Variants in GSTA2 observed in about 807,000 individuals in gnomAD.
GSTA2 encodes glutathione S-transferase A2.
A neutral mutation model predicts 22.4 loss-of-function variants in GSTA2; 27 were observed. That is an observed-to-expected ratio of 1.21 (90% CI 0.89 to 1.67). The LOEUF is 1.67. GSTA2 is among the 40% of genes most tolerant of loss of function. The probability of loss-of-function intolerance (pLI) is 0.00; values close to 1 mark genes in which losing one functional copy is unlikely to be tolerated. For missense variants in GSTA2, 302 were observed against 260.2 expected (o/e 1.16, Z -1.11); for synonymous variants, 121 against 86.8 (o/e 1.39, Z -2.19).
chr6:52,751,169 A>G (rs182813994), intron 6 of GSTA2, among the ~76,000 whole-genome samples: 34 of 152,290 alleles, frequency 2.2e-4, no homozygotes, highest in Admixed American at 1.6e-3. Context: ...AGAGAGGAAC[A>G]AAATGTCTGA....
Position 52,751,761 on chromosome 6 carries a change from C to G in GSTA2, c.415-53G>C, listed in dbSNP as rs557654142. On this transcript the variant is annotated intron_variant, in intron 5 of 6. Transcript: ENST00000493422. ...AACACATGCCCACCCAGGCTGGGAC[C>G]CCTGCTTCTTTCAGAGCCTCTCCAC... 4.5e-5 allele frequency: 73 copies of G among 1,613,322 alleles called. No individual in the cohort carries two copies. In the African/African-American group the frequency reaches 9.3e-4, roughly 21 times the overall value.
intron 2 of GSTA2, 52 bp downstream of exon 2, chr6:52,757,809 T>A (rs376227234): frequency 6.9e-7 from 1 of 1,440,690 alleles, no homozygotes. Context: ...GGGAAAAGTA[T>A]GTGATAACGC....
intron 1 of GSTA2, among the ~76,000 whole-genome samples, chr6:52,760,419 A>T (rs1762932059): frequency 6.6e-6 from 1 of 152,182 alleles, no homozygotes; most frequent in Non-Finnish European, 1.5e-5. Flanking sequence ...AGAACCAGAG[A>T]GCTCAAGGAT....
rs1187492491 is a variant in GSTA2 at position 52,752,979 on chromosome 6, C to G, written c.289G>C (p.Glu97Gln). Residue 97 changes from glutamate to glutamine, a missense_variant, in exon 5 of 7, where the codon GAA becomes CAA. Physicochemically the swap from Glu to Gln is conservative, Grantham distance 29. Transcript: ENST00000493422. Reference sequence around the variant, plus strand: ...ATTTCACCCAAATCTGCTATACCTTCTATATACATATCAATCCTGAAAGAC... The same window carrying G: ...ATTTCACCCAAATCTGCTATACCTTGTATATACATATCAATCCTGAAAGAC... ...KEKALIDMYI[E>Q]GIADLGEMIL... is the part of the protein sequence containing the mutation. 1.2e-6 allele frequency: 2 copies of G among 1,610,590 alleles called. No individual in the cohort carries two copies. Among genetic ancestry groups the G allele is most frequent in the East Asian group, 2.2e-5 (1 of 44,850 alleles).
At position 52,750,528 on chromosome 6, in the gene GSTA2, A is replaced by C. The variant is rs761743299; in HGVS notation, c.*49T>G. 39 of 1,597,152 alleles carry C rather than the reference A, an allele frequency of 2.4e-5. No individual in the cohort carries two copies. Among genetic ancestry groups the C allele is most frequent in the Admixed American group, 6.8e-5 (4 of 58,566 alleles). ...TAGGTAAAGCACTTAATTGTTGCAA[A>C]ACTTTAGAATACTGGTCTTGCATGT... On this transcript the variant is annotated 3_prime_UTR_variant, in exon 7 of 7. Transcript: ENST00000493422.
At chr6:52,761,792 A>AG (rs112011950) in intron 1 of GSTA2, among the ~76,000 whole-genome samples, 1,820 of 150,584 alleles carry the variant, frequency 0.012, 56 homozygotes, top group African/African-American at 0.04. Flanking sequence ...GCAGAGAGGG[A>AG]GGGGGGCTAC....
intron 3 of GSTA2, 149 bp downstream of exon 3, chr6:52,756,109 G>C: frequency 1.8e-6 from 1 of 567,440 alleles, no homozygotes; most frequent in South Asian, 2.1e-5. Context: ...TGCTCAAGGA[G>C]CCACATCCCT....
chr6:52,754,213 G>T (rs1425551134), intron 4 of GSTA2, among the ~76,000 whole-genome samples: 1 of 152,214 alleles, frequency 6.6e-6, no homozygotes, highest in Non-Finnish European at 1.5e-5. Context: ...TAGTGTGGAT[G>T]TATTTTCGAT....
intron 5 of GSTA2, among the ~76,000 whole-genome samples, chr6:52,752,653 T>C (rs1762764388): frequency 6.6e-6 from 1 of 152,244 alleles, no homozygotes; most frequent in Non-Finnish European, 1.5e-5. Context: ...AAAATTTTAC[T>C]GGAAGATTAT....
At chr6:52,755,360 T>G (rs1054936600) in intron 3 of GSTA2, among the ~76,000 whole-genome samples, 8 of 151,968 alleles carry the variant, frequency 5.3e-5, no homozygotes, top group African/African-American at 1.9e-4. Context: ...ATTACAGGCA[T>G]GCACCACTGC....
At chr6:52,757,562 G>T (rs532616846) in intron 2 of GSTA2, among the ~76,000 whole-genome samples, 6 of 152,218 alleles carry the variant, frequency 3.9e-5, no homozygotes, top group Non-Finnish European at 8.8e-5. Context: ...ATCGATATTT[G>T]TGTTTCTAAT....
At chr6:52,751,323 C>T (rs533141643) in intron 6 of GSTA2, among the ~76,000 whole-genome samples, 1 of 152,300 alleles carries the variant, frequency 6.6e-6, no homozygotes, top group South Asian at 2.1e-4. Context: ...GGGAGACATG[C>T]TGGGCCCTGG....
chr6:52,756,610 T>C (rs1056881654), intron 2 of GSTA2, among the ~76,000 whole-genome samples: 2 of 152,210 alleles, frequency 1.3e-5, no homozygotes, highest in Non-Finnish European at 2.9e-5. Flanking sequence ...CACTGAGCAG[T>C]TCTTCTAGTT....
intron 4 of GSTA2, among the ~76,000 whole-genome samples, chr6:52,754,425 C>T (rs1762802538): frequency 6.6e-6 from 1 of 152,166 alleles, no homozygotes; most frequent in African/African-American, 2.4e-5. Flanking sequence ...AAGGTAACTC[C>T]AGTATCCTTG....
chr6:52,755,839 T>C (rs1309411464), intron 3 of GSTA2, among the ~76,000 whole-genome samples: 1 of 151,956 alleles, frequency 6.6e-6, no homozygotes, highest in Non-Finnish European at 1.5e-5. Flanking sequence ...TGCTACAGTG[T>C]TACCCAGTCC....
At chr6:52,762,030 G>C (rs1762959836) in intron 1 of GSTA2, among the ~76,000 whole-genome samples, 2 of 145,742 alleles carry the variant, frequency 1.4e-5, no homozygotes, top group African/African-American at 4.9e-5. Flanking sequence ...GGCTATGGAG[G>C]ATGTGCTTTG....
intron 2 of GSTA2, 147 bp downstream of exon 2, chr6:52,757,714 C>A: frequency 1.4e-6 from 1 of 718,990 alleles, no homozygotes; most frequent in Non-Finnish European, 2.4e-6. Flanking sequence ...ATTAATAGGT[C>A]AAATCTGTTC....
Position 52,755,135 on chromosome 6 carries a change from G to GA in GSTA2, c.140-61dup, listed in dbSNP as rs959253816. 6.9e-5 allele frequency: 107 copies of GA among 1,547,994 alleles called. 1 individual carries two copies. The East Asian group carries it at 1.2e-3, about 17-fold the overall frequency. On this transcript the variant is annotated intron_variant, in intron 3 of 6. Coordinates refer to ENST00000493422, the MANE Select transcript of GSTA2 (RefSeq NM_000846.5). The stretch of plus-strand genomic sequence containing the variant: ...TCTATGAAACCCACCATTTCAGGAT[G>GA]AAAAAAAATGGTTGTTGAAATGACT...
At chr6:52,754,099 C>G (rs116015846) in intron 4 of GSTA2, among the ~76,000 whole-genome samples, 1 of 152,138 alleles carries the variant, frequency 6.6e-6, no homozygotes, top group Admixed American at 6.5e-5. Context: ...ATGGCTAAGG[C>G]GCATTTTTCT....
Sources: gnomAD v4.1 joint callset for allele counts (sites outside exome capture counted in the v4.1 genomes callset) on GRCh38, gnomAD v4.1.1 for gene constraint, MANE v1.5 for transcripts, NCBI Gene and HGNC (gene_info 2026-07-23, HGNC 2026-07-21) for gene names.